ATG10: variants seen among roughly 807,000 people sequenced by gnomAD.
The protein encoded by ATG10 is autophagy related 10.
A neutral mutation model predicts 32.1 loss-of-function variants in ATG10; 30 were observed. The observed-to-expected ratio is 0.94, with a 90% CI of 0.70 to 1.27. ATG10 has a LOEUF of 1.27. Ranked by LOEUF, ATG10 falls within the 50% of genes most tolerant of loss-of-function variation. The pLI is 0.00. For missense variants in ATG10, 233 were observed against 262.3 expected, an observed-to-expected ratio of 0.89 and a Z score of 0.77; for synonymous variants, 87 against 91.5, an observed-to-expected ratio of 0.95 and a Z score of 0.28.
intron 3 of ATG10, among the ~76,000 whole-genome samples, chr5:82,160,278 A>G (rs1743261194): frequency 6.6e-6 from 1 of 152,226 alleles, no homozygotes; most frequent in Non-Finnish European, 1.5e-5. Flanking sequence ...CATACGGTAT[A>G]TAACTTTTGG....
intron 3 of ATG10, among the ~76,000 whole-genome samples, chr5:82,139,433 T>G (rs1313209113): frequency 7.2e-6 from 1 of 139,490 alleles, no homozygotes; most frequent in Non-Finnish European, 1.6e-5. Context: ...ATCTAGGAAG[T>G]GAGGAGCGTC....
At chr5:82,100,078 G>A (rs1035576760) in intron 3 of ATG10, among the ~76,000 whole-genome samples, 1 of 122,394 alleles carries the variant, frequency 8.2e-6, no homozygotes, top group Non-Finnish European at 1.6e-5. Flanking sequence ...GTGTGATCTC[G>A]GCTTACTGTA....
chr5:82,173,685 A>T (rs1743892273), intron 4 of ATG10, among the ~76,000 whole-genome samples: 1 of 152,182 alleles, frequency 6.6e-6, no homozygotes. Flanking sequence ...CAATGTGACT[A>T]ATGAAATTTC....
chr5:82,181,811 T>C (rs1312369164), intron 5 of ATG10, among the ~76,000 whole-genome samples: 1 of 152,160 alleles, frequency 6.6e-6, no homozygotes, highest in Non-Finnish European at 1.5e-5. Context: ...TTCTGTTCTT[T>C]CAGCATTTGT....
intron 5 of ATG10, among the ~76,000 whole-genome samples, chr5:82,240,388 A>G (rs528836451): frequency 6.8e-4 from 104 of 152,360 alleles, no homozygotes; most frequent in African/African-American, 2.4e-3. Flanking sequence ...ACTGGAGGAC[A>G]TCATGTTAAC....
At chr5:82,105,523 C>T (rs556803678) in intron 3 of ATG10, among the ~76,000 whole-genome samples, 1 of 152,230 alleles carries the variant, frequency 6.6e-6, no homozygotes, top group Admixed American at 6.5e-5. Flanking sequence ...GCCCTCTGAA[C>T]ATTAGAGGAC....
At chr5:82,225,134 A>AC (rs1279364830) in intron 5 of ATG10, among the ~76,000 whole-genome samples, 1 of 152,210 alleles carries the variant, frequency 6.6e-6, no homozygotes, top group African/African-American at 2.4e-5. Context: ...TTAATGTCAC[A>AC]CACTCCCAAG....
intron 2 of ATG10, among the ~76,000 whole-genome samples, chr5:82,047,731 AG>A (rs1440105011): frequency 6.6e-6 from 1 of 152,200 alleles, no homozygotes; most frequent in African/African-American, 2.4e-5. Context: ...ATAGGAAGTC[AG>A]GAAGGTGCTG....
At position 82,198,112 on chromosome 5, in the gene ATG10, A is replaced by G. The variant is rs188375363; in HGVS notation, c.453+19525A>G. On this transcript the variant is annotated intron_variant, in intron 5 of 7. Coordinates refer to ENST00000282185, the MANE Select transcript of ATG10 (RefSeq NM_031482.5). ...GCAGAGTATTTTCCTTGAGATTTTC[A>G]TTTAATTCACTTGCTTAATTGTAGG... Among the ~76,000 whole-genome samples, 680 of 152,298 alleles carry G rather than the reference A, an allele frequency of 4.5e-3. 3 individuals carry two copies. The highest frequency in any genetic ancestry group is 0.014 in the Middle Eastern group (4 of 294).
intron 3 of ATG10, among the ~76,000 whole-genome samples, chr5:82,065,435 T>C (rs1028439310): frequency 3.3e-5 from 5 of 151,652 alleles, no homozygotes; most frequent in African/African-American, 1.2e-4. Context: ...TGAGCCGAGA[T>C]TGCACCACTG....
In ATG10 at chr5:82,245,265, A is replaced by G. The variant is rs142786844; in HGVS notation, c.454-7297A>G. 1.3e-4 allele frequency among the ~76,000 whole-genome samples: 20 copies of G among 152,368 alleles called. 1 individual carries two copies. The East Asian group carries it at 3.9e-3, about 29-fold the overall frequency. On this transcript the variant is annotated intron_variant, in intron 5 of 7. Transcript: ENST00000282185. ...ATCTTTGATTCTGGCTGTCTGAAGG[A>G]AAAACGGTAGAAAATACAGATAATC...
At chr5:82,047,974 A>G (rs987311858) in intron 2 of ATG10, among the ~76,000 whole-genome samples, 5 of 151,156 alleles carry the variant, frequency 3.3e-5, no homozygotes, top group Admixed American at 6.6e-5. Context: ...TTAAATAGGG[A>G]ATCCTTTCCC....
At chr5:82,116,727 A>G (rs1165660578) in intron 3 of ATG10, among the ~76,000 whole-genome samples, 4 of 152,262 alleles carry the variant, frequency 2.6e-5, no homozygotes, top group South Asian at 2.1e-4. Context: ...CAGGATTCCA[A>G]TGTCTTCAAG....
intron 3 of ATG10, among the ~76,000 whole-genome samples, chr5:82,127,048 G>T (rs1420960021): frequency 6.6e-6 from 1 of 152,148 alleles, no homozygotes; most frequent in Non-Finnish European, 1.5e-5. Flanking sequence ...ATTTCTTCTA[G>T]ATTTTCTAGT....
At chr5:82,042,318 C>T (rs1175975371) in intron 2 of ATG10, among the ~76,000 whole-genome samples, 1 of 152,106 alleles carries the variant, frequency 6.6e-6, no homozygotes, top group Non-Finnish European at 1.5e-5. Flanking sequence ...TGTGAGAATT[C>T]ACTCACTATC....
intron 4 of ATG10, among the ~76,000 whole-genome samples, chr5:82,170,442 GT>G (rs1198066311): frequency 3.9e-5 from 6 of 152,194 alleles, no homozygotes; most frequent in African/African-American, 1.4e-4. Flanking sequence ...GTTAGGTGCT[GT>G]TTTGAGAAGG....
chr5:82,174,514 A>T (rs1486523203), intron 4 of ATG10, among the ~76,000 whole-genome samples: 1 of 152,222 alleles, frequency 6.6e-6, no homozygotes. Flanking sequence ...GTTTGGCGAC[A>T]ACAAAATCAT....
intron 5 of ATG10, among the ~76,000 whole-genome samples, chr5:82,243,873 G>T (rs1746906950): frequency 6.6e-6 from 1 of 152,034 alleles, no homozygotes; most frequent in Non-Finnish European, 1.5e-5. Context: ...AGTACTTATG[G>T]AAATATAAAA....
In ATG10 at chr5:82,155,210, C is replaced by G. The variant is rs576251376; in HGVS notation, c.217-9189C>G. On this transcript the variant is annotated intron_variant, in intron 3 of 7. Transcript: ENST00000282185. ...GAAAATGACTTTAGCCAAACTTCAG[C>G]CCATTGGATTTAATTATCATTGTCC... Among the ~76,000 whole-genome samples, 175 of 152,242 alleles carry G rather than the reference C, an allele frequency of 1.1e-3. 2 individuals are homozygous for G. The highest frequency in any genetic ancestry group is 2.3e-3 in the Admixed American group (35 of 15,282).
Sources: gnomAD v4.1 joint callset for allele counts (sites outside exome capture counted in the v4.1 genomes callset) on GRCh38, gnomAD v4.1.1 for gene constraint, MANE v1.5 for transcripts, NCBI Gene and HGNC (gene_info 2026-07-23, HGNC 2026-07-21) for gene names.